Variants in CSPG5 observed in about 807,000 individuals in gnomAD.
The protein encoded by CSPG5 is chondroitin sulfate proteoglycan 5.
A neutral mutation model predicts 39.8 loss-of-function variants in CSPG5; 25 were observed. That is an observed-to-expected ratio of 0.63 (90% CI 0.46 to 0.88). CSPG5 has a LOEUF of 0.88. CSPG5 is among the 40% of genes least tolerant of loss of function. The pLI is 0.00. For missense variants in CSPG5, 627 were observed against 702.2 expected, an observed-to-expected ratio of 0.89 and a Z score of 1.21; for synonymous variants, 295 against 303.9, an observed-to-expected ratio of 0.97 and a Z score of 0.31.
At position 47,578,159 on chromosome 3, in the gene CSPG5, C is replaced by T. The variant is rs1039221994; in HGVS notation, c.98-231G>A. 4.9e-6 allele frequency: 3 copies of T among 610,778 alleles called. No homozygotes were observed. Among genetic ancestry groups the T allele is most frequent in the Non-Finnish European group, 7.1e-6 (3 of 420,446 alleles). 37.8% of individuals were successfully genotyped at this position (610,778 alleles called of 1,614,324 possible). A position where few individuals can be genotyped will look rare whatever the true frequency, so the allele number is the denominator to read the frequency against. The stretch of plus-strand genomic sequence containing the variant: ...CCCGCCCAACGCCTCGCGGCTCGGC[C>T]CCGCCCGACCTGCCCCGCCGTCTGA... On this transcript the variant is annotated intron_variant, in intron 1 of 4. Transcript: ENST00000264723. The surrounding 1 kb of genome is among the most constrained non-coding windows in gnomAD (Gnocchi z 6.0).
chr3:47,570,424 A>C (rs1465236666), intron 3 of CSPG5, among the ~76,000 whole-genome samples: 2 of 152,022 alleles, frequency 1.3e-5, no homozygotes, highest in Admixed American at 1.3e-4. Flanking sequence ...GATTGTAATA[A>C]GGTGCACCAT....
intron 2 of CSPG5, among the ~76,000 whole-genome samples, chr3:47,575,962 A>G (rs2031707226): frequency 8.2e-6 from 1 of 121,814 alleles, no homozygotes; most frequent in Admixed American, 9.7e-5. Flanking sequence ...TTTGAGACAG[A>G]GTTTCGCTCT....
chr3:47,570,013 T>C (rs1327266438), intron 3 of CSPG5, among the ~76,000 whole-genome samples: 1 of 152,104 alleles, frequency 6.6e-6, no homozygotes, highest in African/African-American at 2.4e-5. Flanking sequence ...CTTCCCAAAG[T>C]GTTAGGATTA....
In CSPG5 at chr3:47,578,582, C is replaced by T. The variant is rs2031874126; in HGVS notation, c.97+15G>A. On this transcript the variant is annotated intron_variant, in intron 1 of 4. Coordinates refer to ENST00000264723, the MANE Select transcript of CSPG5 (RefSeq NM_006574.4). The surrounding 1 kb of genome is among the most constrained non-coding windows in gnomAD (Gnocchi z 6.0). ...GCACGAGGGCCGCGGGGGTCCCGGG[C>T]GCAGTCATACCTACCCGGCACGGCC... 2 of 1,057,540 alleles carry T rather than the reference C, an allele frequency of 1.9e-6. No homozygotes were observed. The highest frequency in any genetic ancestry group is 2.4e-6 in the Non-Finnish European group (2 of 846,680). The allele number at this position is 1,057,540 out of a possible 1,614,324, so 65.5% of individuals were successfully genotyped here. A position where few individuals can be genotyped will look rare whatever the true frequency, so the allele number is the denominator to read the frequency against.
In CSPG5 at chr3:47,562,516, G is replaced by T. The variant is rs1455161410; in HGVS notation, c.*84C>A. ...AAAAGAGTTTAACAAATGGTTACAA[G>T]AAATAGACTCTGTACAAGAGGAGAT... is the stretch of plus-strand genomic sequence containing the variant. On this transcript the variant is annotated 3_prime_UTR_variant, in exon 5 of 5. Transcript: ENST00000264723. The T allele has an allele frequency of 2.5e-5, 32 of 1,297,120 alleles. No individual in the cohort carries two copies. Among genetic ancestry groups the T allele is most frequent in the Non-Finnish European group, 7.4e-6 (7 of 940,576 alleles). The allele number at this position is 1,297,120 out of a possible 1,614,324, so 80.4% of individuals were successfully genotyped here.
chr3:47,564,281 G>GT (rs1473779150), intron 4 of CSPG5, among the ~76,000 whole-genome samples: 1 of 152,156 alleles, frequency 6.6e-6, no homozygotes, highest in African/African-American at 2.4e-5. Flanking sequence ...ACAGCACTAG[G>GT]TTATGGGAGT....
At chr3:47,569,671 A>T (rs1023598758) in intron 3 of CSPG5, among the ~76,000 whole-genome samples, 46 of 152,098 alleles carry the variant, frequency 3.0e-4, no homozygotes, top group African/African-American at 1.0e-3. Flanking sequence ...TATTAAAAAA[A>T]TTATTTTAAA....
chr3:47,564,468 G>T (rs1381928917), intron 4 of CSPG5, among the ~76,000 whole-genome samples: 1 of 152,142 alleles, frequency 6.6e-6, no homozygotes, highest in Non-Finnish European at 1.5e-5. Context: ...ATTTAGTAGA[G>T]TTTCAAAGAC....
chr3:47,570,122 G>A (rs941172614), intron 3 of CSPG5, among the ~76,000 whole-genome samples: 1 of 151,760 alleles, frequency 6.6e-6, no homozygotes, highest in Non-Finnish European at 1.5e-5. Flanking sequence ...GGATATAAGT[G>A]CAGAATATGT....
In CSPG5 at chr3:47,578,171, G is replaced by A; in HGVS notation, c.98-243C>T. The A allele has an allele frequency of 1.8e-6, 1 of 554,114 alleles. No individual in the cohort carries two copies. Among genetic ancestry groups the A allele is most frequent in the Non-Finnish European group, 2.7e-6 (1 of 371,474 alleles). 34.3% of individuals were successfully genotyped at this position (554,114 alleles called of 1,614,324 possible). Reference sequence around the variant, plus strand: ...CTCGCGGCTCGGCCCCGCCCGACCTGCCCCGCCGTCTGAAGAGCCAGGCCA... The same window carrying A: ...CTCGCGGCTCGGCCCCGCCCGACCTACCCCGCCGTCTGAAGAGCCAGGCCA... On this transcript the variant is annotated intron_variant, in intron 1 of 4. Coordinates refer to ENST00000264723, the MANE Select transcript of CSPG5 (RefSeq NM_006574.4). This position sits in a 1 kb window ranked among gnomAD's most constrained non-coding sequence, Gnocchi z 6.0.
Position 47,577,732 on chromosome 3 carries a change from G to A in CSPG5, c.294C>T (p.Thr98=). 4.4e-6 allele frequency: 7 copies of A among 1,579,864 alleles called. No homozygotes were observed. Among genetic ancestry groups the A allele is most frequent in the Non-Finnish European group, 6.0e-6 (7 of 1,168,500 alleles). The part of the protein sequence containing the change: ...VLQESAAVTG[T]AWLEADSPGL... ...CTGGGCTGTCAGCTTCCAGCCAGGC[G>A]GTGCCGGTCACCGCAGCCGACTCCT... Residue 98 remains threonine, a synonymous_variant, in exon 2 of 5, where the codon ACC becomes ACT. Coordinates refer to ENST00000264723, the MANE Select transcript of CSPG5 (RefSeq NM_006574.4). This position sits in a 1 kb window ranked among gnomAD's most constrained non-coding sequence, Gnocchi z 4.7.
chr3:47,577,244 T>C lies in CSPG5; in HGVS notation c.782A>G (p.Asp261Gly), dbSNP rs1559615489. ...TGTGGTGGGGTAGAAATCAGATTCA[T>C]CGAAGGGGGTGAAATCATCGTATAA... ...LDLYDDFTPF[D>G]ESDFYPTTSF... Residue 261 changes from aspartate to glycine, a missense_variant, in exon 2 of 5, where the codon GAT (aspartate) becomes GGT (glycine). Coordinates refer to ENST00000264723, the MANE Select transcript of CSPG5 (RefSeq NM_006574.4). The surrounding 1 kb of genome is among the most constrained non-coding windows in gnomAD (Gnocchi z 4.7). The C allele has an allele frequency of 6.2e-7, 1 of 1,610,294 alleles. No homozygotes were observed. The highest frequency in any genetic ancestry group is 8.5e-7 in the Non-Finnish European group (1 of 1,178,218).
rs2031787334 is a variant in CSPG5 at position 47,577,298 on chromosome 3, C to A, written c.728G>T (p.Gly243Val). ...AAGCAGGCTCCAGGAAGGGGTCTCTCCCTCAGTATCAGGGTGGTTCTCTGA... is the reference window on the plus strand; with the variant it reads ...AAGCAGGCTCCAGGAAGGGGTCTCTACCTCAGTATCAGGGTGGTTCTCTGA... Reference protein sequence around the residue: ...GTSENHPDTEGETPSWSLLDL... With the variant: ...GTSENHPDTEVETPSWSLLDL... The change falls in exon 2 of 5, where the codon GGA (glycine) becomes GTA (valine). Residue 243 changes from glycine to valine, a missense_variant. Gly to Val is a moderately radical substitution (Grantham distance 109). Coordinates refer to ENST00000264723, the MANE Select transcript of CSPG5 (RefSeq NM_006574.4). The surrounding 1 kb of genome is among the most constrained non-coding windows in gnomAD (Gnocchi z 4.7). 1.2e-6 allele frequency: 2 copies of A among 1,613,766 alleles called. No homozygotes were observed. Among genetic ancestry groups the A allele is most frequent in the Non-Finnish European group, 8.5e-7 (1 of 1,179,826 alleles).
In CSPG5 at chr3:47,572,833, C is replaced by T; in HGVS notation, c.1235G>A (p.Cys412Tyr). ...QDYIWHKGMR[C>Y]ESIITDFQVM... is the part of the protein sequence containing the mutation. ...CTGGAAGTCGGTGATGATGGACTCG[C>T]AGCGCATCCCCTTGTGCCAGATGTA... Residue 412 changes from cysteine (C) to tyrosine (Y), a missense_variant, in exon 3 of 5, where the codon TGC (cysteine) becomes TAC (tyrosine). Transcript: ENST00000264723. The surrounding 1 kb of genome is among the most constrained non-coding windows in gnomAD (Gnocchi z 4.5). 6.2e-7 allele frequency: 1 copy of T among 1,613,962 alleles called. No individual in the cohort carries two copies. The highest frequency in any genetic ancestry group is 8.5e-7 in the Non-Finnish European group (1 of 1,179,864).
chr3:47,567,904 C>G (rs750707270), intron 4 of CSPG5, among the ~76,000 whole-genome samples: 1 of 152,096 alleles, frequency 6.6e-6, no homozygotes, highest in Non-Finnish European at 1.5e-5. Flanking sequence ...CCTAGCAACT[C>G]AGGAGGCTGA....
rs758418639 is a variant in CSPG5, at chr3:47,572,275, A to C, written c.1382+411T>G. ...AAGGAGATGGAGTTCCTCCACGCAG[A>C]ATTATGAATGAAATCTCGCACTGGC... is the stretch of plus-strand genomic sequence containing the variant. On this transcript the variant is annotated intron_variant, in intron 3 of 4. Coordinates refer to ENST00000264723, the MANE Select transcript of CSPG5 (RefSeq NM_006574.4). The surrounding 1 kb of genome is among the most constrained non-coding windows in gnomAD (Gnocchi z 4.5). 3.9e-5 allele frequency among the ~76,000 whole-genome samples: 6 copies of C among 152,180 alleles called. No individual in the cohort carries two copies. Among genetic ancestry groups the C allele is most frequent in the Non-Finnish European group, 8.8e-5 (6 of 68,036 alleles).
chr3:47,572,562 G>A lies in CSPG5; in HGVS notation c.1382+124C>T, dbSNP rs972282525. 1.0e-5 allele frequency: 8 copies of A among 797,146 alleles called. No individual in the cohort carries two copies. The South Asian group carries it at 1.0e-4, about 10-fold the overall frequency. 49.4% of individuals were successfully genotyped at this position (797,146 alleles called of 1,614,324 possible). A position where few individuals can be genotyped will look rare whatever the true frequency, so the allele number is the denominator to read the frequency against. ...ATTTTTAGCACAGACAAAACAGCTG[G>A]GAATGGAGCACAGGTGCCAGAAACC... On this transcript the variant is annotated intron_variant, in intron 3 of 4. Coordinates refer to ENST00000264723, the MANE Select transcript of CSPG5 (RefSeq NM_006574.4). The surrounding 1 kb of genome is among the most constrained non-coding windows in gnomAD (Gnocchi z 4.5).
chr3:47,572,806 A>C lies in CSPG5; in HGVS notation c.1262T>G (p.Val421Gly). The C allele has an allele frequency of 6.2e-7, 1 of 1,614,080 alleles. No homozygotes were observed. Among genetic ancestry groups the C allele is most frequent in the Non-Finnish European group, 8.5e-7 (1 of 1,179,970 alleles). ...AGCCGAGCCCACGGCCACGCACATC[A>C]CCTGGAAGTCGGTGATGATGGACTC... ...RCESIITDFQ[V>G]MCVAVGSAAL... Residue 421 changes from valine (V) to glycine (G), a missense_variant, in exon 3 of 5, where the codon GTG becomes GGG. Physicochemically the swap from Val to Gly is moderately radical, Grantham distance 109 (BLOSUM62 -3). Transcript: ENST00000264723. The surrounding 1 kb of genome is among the most constrained non-coding windows in gnomAD (Gnocchi z 4.5).
chr3:47,578,630 C>A lies in CSPG5; in HGVS notation c.64G>T (p.Ala22Ser). The part of the protein sequence containing the change: ...GPPPLLLFLG[A>S]ALVLASGAVP... ...GCCCCAGAGGCCAGGACCAGCGCGGCCCCCAGAAACAGCAGCAGTGGCGGC... is the reference window on the plus strand; with the variant it reads ...GCCCCAGAGGCCAGGACCAGCGCGGACCCCAGAAACAGCAGCAGTGGCGGC... The change falls in exon 1 of 5, where the codon GCC (alanine) becomes TCC (serine). Residue 22 changes from alanine (A) to serine (S), a missense_variant. Coordinates refer to ENST00000264723, the MANE Select transcript of CSPG5 (RefSeq NM_006574.4). The surrounding 1 kb of genome is among the most constrained non-coding windows in gnomAD (Gnocchi z 6.0). 8.6e-7 allele frequency: 1 copy of A among 1,166,488 alleles called. No individual in the cohort carries two copies. The highest frequency in any genetic ancestry group is 1.1e-6 in the Non-Finnish European group (1 of 943,336). The allele number at this position is 1,166,488 out of a possible 1,614,324, so 72.3% of individuals were successfully genotyped here. A position where few individuals can be genotyped will look rare whatever the true frequency, so the allele number is the denominator to read the frequency against.
Sources: allele counts gnomAD v4.1 joint callset (sites outside exome capture counted in the v4.1 genomes callset), GRCh38; gene constraint gnomAD v4.1.1; non-coding constraint Gnocchi (gnomAD v3.1); transcripts MANE v1.5; gene names NCBI Gene and HGNC (gene_info 2026-07-23, HGNC 2026-07-21).